BTF3L4: variants seen among roughly 807,000 people sequenced by gnomAD.
The protein encoded by BTF3L4 is basic transcription factor 3 like 4, also known as transcription factor BTF3 homolog 4.
Under a neutral mutation model 16.8 loss-of-function variants are expected in BTF3L4, and 6 were observed. The ratio of observed to expected loss-of-function variants is 0.36; its 90% CI spans 0.20 to 0.71. BTF3L4 has a LOEUF of 0.71. BTF3L4 is among the 30% of genes least tolerant of loss of function. BTF3L4 has a pLI of 0.58. For missense variants in BTF3L4, 92 were observed against 186.9 expected (o/e 0.49, Z 2.96); for synonymous variants, 39 against 59.8 (o/e 0.65, Z 1.60).
At chr1:52,082,582 A>G (rs1456965956) in intron 3 of BTF3L4, among the ~76,000 whole-genome samples, 1 of 152,108 alleles carries the variant, frequency 6.6e-6, no homozygotes, top group Non-Finnish European at 1.5e-5. Context: ...TAAAAATACA[A>G]AAATTAGCTG....
chr1:52,078,727 A>C (rs922864764), intron 3 of BTF3L4, among the ~76,000 whole-genome samples: 1 of 152,180 alleles, frequency 6.6e-6, no homozygotes, highest in African/African-American at 2.4e-5. Context: ...GCTAACTACT[A>C]TACACATCAG....
chr1:52,062,197 CTTTTTTTTTTTT>C (rs34904880), intron 2 of BTF3L4, among the ~76,000 whole-genome samples: 6 of 53,620 alleles, frequency 1.1e-4, no homozygotes, highest in African/African-American at 3.9e-4. Flanking sequence ...CCGCCTCGGC[CTTTTTTTTTTTT>C]TTTTTTTTTT....
At chr1:52,079,270 C>T in intron 3 of BTF3L4, among the ~76,000 whole-genome samples, 1 of 151,272 alleles carries the variant, frequency 6.6e-6, no homozygotes, top group East Asian at 1.9e-4. Context: ...GTAATCCCAG[C>T]TACTTGGGAG....
chr1:52,060,018 C>A, intron 2 of BTF3L4, 117 bp downstream of exon 2: 1 of 943,702 alleles, frequency 1.1e-6, no homozygotes. Context: ...GATCAAACCA[C>A]ATTCCAATTT....
intron 3 of BTF3L4, 109 bp downstream of exon 3, chr1:52,065,047 C>T: frequency 1.9e-6 from 1 of 539,198 alleles, no homozygotes; most frequent in Non-Finnish European, 3.2e-6. Context: ...TATTGTCACT[C>T]TGATGTCTTT....
chr1:52,061,940 C>A (rs1295725019), intron 2 of BTF3L4, among the ~76,000 whole-genome samples: 2 of 148,624 alleles, frequency 1.3e-5, no homozygotes, highest in African/African-American at 2.5e-5. Context: ...CCGTGCCCGG[C>A]CTCTTTTTTT....
intron 3 of BTF3L4, among the ~76,000 whole-genome samples, chr1:52,078,590 G>A (rs970679147): frequency 1.3e-5 from 2 of 152,140 alleles, no homozygotes; most frequent in African/African-American, 4.8e-5. Flanking sequence ...TTTTCACAGA[G>A]AAAGAAGCAT....
intron 3 of BTF3L4, chr1:52,065,194 C>G: frequency 4.7e-6 from 1 of 214,522 alleles, no homozygotes; most frequent in East Asian, 1.1e-4. Context: ...TGTAAGTGTT[C>G]TTGAATATTA....
In BTF3L4 at chr1:52,083,906, G is replaced by A. The variant is rs142832763; in HGVS notation, c.370+365G>A. 1.1e-3 allele frequency among the ~76,000 whole-genome samples: 164 copies of A among 151,896 alleles called. 1 individual carries two copies. In the East Asian group the frequency reaches 0.031, roughly 29 times the overall value. On this transcript the variant is annotated intron_variant, in intron 4 of 5. Transcript: ENST00000313334. ...ATGGTAGCAGGCGCCTATAATCCCA[G>A]CTACTCGGGAGGCTGAGGCAGGAGA...
Position 52,090,401 on chromosome 1 carries a change from G to A in BTF3L4, c.*3643G>A, listed in dbSNP as rs370514680. ...TCCATTCTACACTGCATTTCAACCT[G>A]TGTTGAACAACACTCCAGTTCAGCC... On this transcript the variant is annotated 3_prime_UTR_variant, in exon 6 of 6. Coordinates refer to ENST00000313334, the MANE Select transcript of BTF3L4 (RefSeq NM_152265.5). 10 of 152,288 alleles carry A rather than the reference G, an allele frequency of 6.6e-5. No homozygotes were observed. In the East Asian group the frequency reaches 1.5e-3, roughly 23 times the overall value. The allele number at this position is 152,288 out of a possible 1,614,324, so 9.4% of individuals were successfully genotyped here. A position where few individuals can be genotyped will look rare whatever the true frequency, so the allele number is the denominator to read the frequency against.
intron 3 of BTF3L4, among the ~76,000 whole-genome samples, chr1:52,073,144 C>T (rs1444161814): frequency 5.9e-5 from 9 of 151,904 alleles, no homozygotes; most frequent in African/African-American, 1.9e-4. Context: ...ATTGGCTGGG[C>T]ATGGTGGTGC....
chr1:52,071,929 C>CCG (rs1491187855), intron 3 of BTF3L4, among the ~76,000 whole-genome samples: 1 of 78,950 alleles, frequency 1.3e-5, no homozygotes, highest in Non-Finnish European at 2.6e-5. Context: ...TTGTTTTTTA[C>CCG]TCTGTGTGTG....
chr1:52,078,981 C>T (rs932233975), intron 3 of BTF3L4, among the ~76,000 whole-genome samples: 1 of 152,100 alleles, frequency 6.6e-6, no homozygotes, highest in Admixed American at 6.6e-5. Context: ...TATTATATGG[C>T]TTACTCAAAC....
At chr1:52,074,067 AGG>A (rs1213297001) in intron 3 of BTF3L4, among the ~76,000 whole-genome samples, 1 of 152,022 alleles carries the variant, frequency 6.6e-6, no homozygotes, top group Non-Finnish European at 1.5e-5. Context: ...TCAGAGGGTG[AGG>A]CAGGAGGATA....
At chr1:52,082,192 T>C (rs952976676) in intron 3 of BTF3L4, among the ~76,000 whole-genome samples, 2 of 152,188 alleles carry the variant, frequency 1.3e-5, no homozygotes, top group South Asian at 4.1e-4. Context: ...ATGAAGTACA[T>C]GAGTGAGAGA....
intron 3 of BTF3L4, among the ~76,000 whole-genome samples, chr1:52,065,941 G>A (rs1686637177): frequency 6.6e-6 from 1 of 152,032 alleles, no homozygotes; most frequent in African/African-American, 2.4e-5. Context: ...GGGAGGCTAA[G>A]GCAAAAGAAT....
At position 52,086,148 on chromosome 1, in the gene BTF3L4, A is replaced by T; in HGVS notation, c.407A>T (p.Asp136Val). 1.2e-6 allele frequency: 2 copies of T among 1,611,424 alleles called. No individual in the cohort carries two copies. Among genetic ancestry groups the T allele is most frequent in the Non-Finnish European group, 1.7e-6 (2 of 1,178,850 alleles). The change falls in exon 5 of 6, where the codon GAT becomes GTT. Residue 136 changes from aspartate (D) to valine (V), a missense_variant. Coordinates refer to ENST00000313334, the MANE Select transcript of BTF3L4 (RefSeq NM_152265.5). ...DSKAPKPEDI[D>V]EEDDDVPDLV... ...AAAGCACCAAAACCAGAAGACATTGATGAGGAAGATGATGATGTTCCAGGT... is the reference window on the plus strand; with the variant it reads ...AAAGCACCAAAACCAGAAGACATTGTTGAGGAAGATGATGATGTTCCAGGT...
chr1:52,075,719 G>A (rs972785938), intron 3 of BTF3L4, among the ~76,000 whole-genome samples: 5 of 151,324 alleles, frequency 3.3e-5, no homozygotes, highest in East Asian at 3.9e-4. Flanking sequence ...GCTGAAGTGC[G>A]GTGGCGCGAT....
intron 2 of BTF3L4, among the ~76,000 whole-genome samples, chr1:52,061,994 TG>T (rs1686523753): frequency 6.6e-6 from 1 of 151,568 alleles, no homozygotes; most frequent in African/African-American, 2.4e-5. Flanking sequence ...TGTAGTGCAG[TG>T]GCGCAATCTC....
Sources: gnomAD v4.1 joint callset for allele counts (sites outside exome capture counted in the v4.1 genomes callset) on GRCh38, gnomAD v4.1.1 for gene constraint, MANE v1.5 for transcripts, NCBI Gene and HGNC (gene_info 2026-07-23, HGNC 2026-07-21) for gene names.